The following CAMK1D variants were observed in gnomAD, a reference collection of about 807,000 sequenced individuals.
The protein encoded by CAMK1D is calcium/calmodulin dependent protein kinase ID, also known as calcium/calmodulin-dependent protein kinase type 1D.
In CAMK1D, 9 loss-of-function variants were observed where a neutral mutation model predicts 47.7. That is an observed-to-expected ratio of 0.19 (90% CI 0.11 to 0.33). The LOEUF (loss-of-function observed/expected upper bound fraction) is 0.33. Ranked by LOEUF, CAMK1D falls within the 10% of genes least tolerant of loss-of-function variation. The pLI is 1.00. For synonymous variants in CAMK1D, 184 were observed against 184.9 expected (o/e 0.99, Z 0.04); for missense variants, 291 against 488.7 (o/e 0.60, Z 3.81).
intron 1 of CAMK1D, among the ~76,000 whole-genome samples, chr10:12,352,805 C>T (rs1316511611): frequency 2.7e-5 from 4 of 147,596 alleles, no homozygotes; most frequent in Non-Finnish European, 4.5e-5. Flanking sequence ...GGCGCAATCT[C>T]GGCTCACTGC....
intron 1 of CAMK1D, among the ~76,000 whole-genome samples, chr10:12,464,922 A>G (rs1390296465): frequency 1.3e-5 from 2 of 152,188 alleles, no homozygotes; most frequent in Non-Finnish European, 1.5e-5. Flanking sequence ...CAATTCTCTA[A>G]AGCAGAACAT....
At chr10:12,576,700 T>A (rs898995350) in intron 2 of CAMK1D, among the ~76,000 whole-genome samples, 10 of 152,170 alleles carry the variant, frequency 6.6e-5, no homozygotes, top group Admixed American at 3.3e-4. Context: ...CCACCAATGA[T>A]CTGACAAGAG....
At chr10:12,788,612 CTG>C (rs1055428031) in intron 5 of CAMK1D, among the ~76,000 whole-genome samples, 10 of 152,242 alleles carry the variant, frequency 6.6e-5, no homozygotes, top group Non-Finnish European at 1.5e-5. Flanking sequence ...TCTCACGCCT[CTG>C]TGCCTGTTTG....
chr10:12,739,593 T>C (rs1438904617), intron 3 of CAMK1D, among the ~76,000 whole-genome samples: 1 of 152,050 alleles, frequency 6.6e-6, no homozygotes, highest in Non-Finnish European at 1.5e-5. Flanking sequence ...CCGGCTGAGA[T>C]ATATGCTTTG....
intron 3 of CAMK1D, among the ~76,000 whole-genome samples, chr10:12,721,496 C>T (rs1834373882): frequency 6.9e-6 from 1 of 145,274 alleles, no homozygotes; most frequent in African/African-American, 2.5e-5. Context: ...TGTGTTCTTT[C>T]ACTGGCTACC....
chr10:12,751,583 C>G (rs1835988025), intron 3 of CAMK1D, among the ~76,000 whole-genome samples: 1 of 152,224 alleles, frequency 6.6e-6, no homozygotes, highest in Admixed American at 6.5e-5. Context: ...CCAGCTAACT[C>G]TGCTACCACC....
chr10:12,548,975 C>A (rs1218896903), intron 1 of CAMK1D, among the ~76,000 whole-genome samples: 2 of 152,212 alleles, frequency 1.3e-5, no homozygotes, highest in Non-Finnish European at 2.9e-5. Context: ...CCCACCTCAG[C>A]CTGCTGAGTA....
chr10:12,503,803 G>T (rs1834781309), intron 1 of CAMK1D, among the ~76,000 whole-genome samples: 3 of 152,190 alleles, frequency 2.0e-5, no homozygotes, highest in Admixed American at 2.0e-4. Context: ...GGAAGATCAG[G>T]TTCGAGTATT....
chr10:12,739,056 G>C (rs1446253108), intron 3 of CAMK1D, among the ~76,000 whole-genome samples: 1 of 151,636 alleles, frequency 6.6e-6, no homozygotes, highest in Non-Finnish European at 1.5e-5. Context: ...GGACAACATG[G>C]GGAAACCTCG....
chr10:12,733,847 A>C (rs1159123621), intron 3 of CAMK1D, among the ~76,000 whole-genome samples: 1 of 152,156 alleles, frequency 6.6e-6, no homozygotes, highest in African/African-American at 2.4e-5. Flanking sequence ...AAAACCGTAC[A>C]TATCTATTAT....
chr10:12,784,198 A>ATTTT (rs71386119), intron 5 of CAMK1D, among the ~76,000 whole-genome samples: 1 of 136,032 alleles, frequency 7.4e-6, no homozygotes, highest in Non-Finnish European at 1.6e-5. Flanking sequence ...GAGAAAAGGT[A>ATTTT]TTTTTTTTTT....
intron 2 of CAMK1D, among the ~76,000 whole-genome samples, chr10:12,565,032 G>A (rs1837078365): frequency 6.6e-6 from 1 of 152,096 alleles, no homozygotes. Flanking sequence ...AACATAACAA[G>A]ACCCTGTCTC....
At chr10:12,765,958 C>CTTTTTT (rs147498267) in intron 4 of CAMK1D, among the ~76,000 whole-genome samples, 4 of 86,506 alleles carry the variant, frequency 4.6e-5, no homozygotes, top group African/African-American at 4.7e-5. Context: ...CCATCCTAAT[C>CTTTTTT]TTTTTTTTTT....
intron 2 of CAMK1D, among the ~76,000 whole-genome samples, chr10:12,568,942 C>T (rs748500513): frequency 5.3e-5 from 8 of 152,128 alleles, no homozygotes; most frequent in Non-Finnish European, 1.0e-4. Context: ...GATAATATGC[C>T]TCTTTAAAAG....
chr10:12,779,196 G>C (rs1347184956), intron 5 of CAMK1D, among the ~76,000 whole-genome samples: 3 of 152,266 alleles, frequency 2.0e-5, no homozygotes, highest in Non-Finnish European at 4.4e-5. Context: ...GACCAAGATT[G>C]GGAATCCATT....
At chr10:12,367,943 A>G (rs562948096) in intron 1 of CAMK1D, among the ~76,000 whole-genome samples, 6 of 152,184 alleles carry the variant, frequency 3.9e-5, no homozygotes, top group African/African-American at 4.8e-5. Context: ...CTGTAATCCC[A>G]GCACTTTGGG....
Position 12,831,256 on chromosome 10 carries a change from A to G in CAMK1D, c.*2369A>G, listed in dbSNP as rs1312586423. ...TGGCCATGCAATGAATGAATATTAT[A>G]AGCAGTATTGGAGAACTAGGCGGTT... is the stretch of plus-strand genomic sequence containing the variant. On this transcript the variant is annotated 3_prime_UTR_variant, in exon 11 of 11. Coordinates refer to ENST00000619168, the MANE Select transcript of CAMK1D (RefSeq NM_153498.4). 1 of 152,220 alleles carries G rather than the reference A, an allele frequency of 6.6e-6. No homozygotes were observed. Among genetic ancestry groups the G allele is most frequent in the African/African-American group, 2.4e-5 (1 of 41,462 alleles). 9.4% of individuals were successfully genotyped at this position (152,220 alleles called of 1,614,324 possible). A position where few individuals can be genotyped will look rare whatever the true frequency, so the allele number is the denominator to read the frequency against.
intron 1 of CAMK1D, among the ~76,000 whole-genome samples, chr10:12,444,666 T>G (rs940876058): frequency 2.0e-5 from 3 of 152,184 alleles, no homozygotes; most frequent in African/African-American, 4.8e-5. Flanking sequence ...GCAAGTGCAT[T>G]CAAAGAAAGG....
rs533702415 is a variant in CAMK1D at position 12,773,114 on chromosome 10, G to A, written c.565+3315G>A. On this transcript the variant is annotated intron_variant, in intron 5 of 10. Transcript: ENST00000619168. ...GTGTGATCACATTGCATTAGGGTTC[G>A]TATCAATCTGTGTCTCTCACTGCAC... Among the ~76,000 whole-genome samples the A allele has an allele frequency of 9.2e-5, 14 of 152,294 alleles. No individual in the cohort carries two copies. In the South Asian group the frequency reaches 2.1e-3, roughly 23 times the overall value.
Sources: gnomAD v4.1 joint callset for allele counts (sites outside exome capture counted in the v4.1 genomes callset) on GRCh38, gnomAD v4.1.1 for gene constraint, MANE v1.5 for transcripts, NCBI Gene and HGNC (gene_info 2026-07-23, HGNC 2026-07-21) for gene names.